The following SFI1 variants were observed in gnomAD, a reference collection of about 807,000 sequenced individuals.
SFI1 encodes SFI1 centrin binding protein, also known as protein SFI1 homolog.
A neutral mutation model predicts 207.5 loss-of-function variants in SFI1; 195 were observed. The observed-to-expected ratio is 0.94, with a 90% CI of 0.84 to 1.06. The LOEUF (loss-of-function observed/expected upper bound fraction) is 1.06. Among genes scored for constraint, SFI1 ranks in the 50% least tolerant of loss-of-function variants. The pLI is 0.00. For synonymous variants in SFI1, 630 were observed against 598.9 expected (o/e 1.05, Z -0.76); for missense variants, 1,634 against 1,588.0 (o/e 1.03, Z -0.49).
chr22:31,575,183 C>CTCG, intron 9 of SFI1, 48 bp from the exon 10 acceptor site: 1 of 956,548 alleles, frequency 1.0e-6, no homozygotes. Flanking sequence ...ATGTTTCCAG[C>CTCG]TCATCTAACC....
chr22:31,568,222 ATATATT>A (rs1982376440), intron 8 of SFI1, among the ~76,000 whole-genome samples: 1 of 128,238 alleles, frequency 7.8e-6, no homozygotes. Context: ...ATATATATAT[ATATATT>A]TTTTTTTTTT....
chr22:31,606,887 G>A (rs1163973097), intron 21 of SFI1, among the ~76,000 whole-genome samples: 2 of 151,676 alleles, frequency 1.3e-5, no homozygotes, highest in Non-Finnish European at 2.9e-5. Flanking sequence ...TAGTAGAGAT[G>A]GGGTTTCACC....
Position 31,613,216 on chromosome 22 carries a change from G to T in SFI1, c.2565G>T (p.Lys855Asn), listed in dbSNP as rs571089251. 8.1e-6 allele frequency: 13 copies of T among 1,613,770 alleles called. No homozygotes were observed. In the South Asian group the frequency reaches 1.2e-4, roughly 15 times the overall value. Residue 855 changes from lysine (K) to asparagine (N), a missense_variant and splice_region_variant, in exon 25 of 33, where the codon AAG becomes AAT. Coordinates refer to ENST00000400288, the MANE Select transcript of SFI1 (RefSeq NM_001007467.3). ...TCTGGGCCTTCTCGCTGCAGGCAAA[G>T]GTAATTGGGGCTCTGCATCCTACCA... Reference protein sequence around the residue: ...LWFWAFSLQAKVWATWLAFVL... With the variant: ...LWFWAFSLQANVWATWLAFVL...
At position 31,578,428 on chromosome 22, in the gene SFI1, AGAG is replaced by A; in HGVS notation, c.1132_1134del (p.Glu378del). 1 of 1,613,794 alleles carries A rather than the reference AGAG, an allele frequency of 6.2e-7. No individual in the cohort carries two copies. The highest frequency in any genetic ancestry group is 8.5e-7 in the Non-Finnish European group (1 of 1,179,800). On this transcript the variant is annotated inframe_deletion, in exon 11 of 33. Coordinates refer to ENST00000400288, the MANE Select transcript of SFI1 (RefSeq NM_001007467.3). Reference sequence around the variant, plus strand: ...AAGCTGCCCAGTTTGAGATGGCAGAAGAGCACCACAGGCACAGCCAGCTGGTAA... The same window carrying A: ...AAGCTGCCCAGTTTGAGATGGCAGAACACCACAGGCACAGCCAGCTGGTAA...
At chr22:31,612,892 G>T in intron 24 of SFI1, 1 of 517,194 alleles carries the variant, frequency 1.9e-6, no homozygotes, top group Non-Finnish European at 3.5e-6. Context: ...CGGACCTCAG[G>T]CCGCTGCCTC....
At chr22:31,566,307 T>C (rs1156754016) in intron 8 of SFI1, among the ~76,000 whole-genome samples, 1 of 151,804 alleles carries the variant, frequency 6.6e-6, no homozygotes, top group African/African-American at 2.4e-5. Context: ...TTGGCCAGGC[T>C]GTCTTGAACT....
intron 2 of SFI1, among the ~76,000 whole-genome samples, chr22:31,512,548 G>A (rs577125733): frequency 2.6e-5 from 4 of 150,968 alleles, no homozygotes; most frequent in Non-Finnish European, 5.9e-5. Flanking sequence ...ACGGAGTCTC[G>A]CCCTGTCGCC....
intron 4 of SFI1, among the ~76,000 whole-genome samples, chr22:31,534,631 T>C (rs757566978): frequency 2.6e-4 from 40 of 152,168 alleles, no homozygotes; most frequent in Non-Finnish European, 5.4e-4. Flanking sequence ...CTCAAAGATA[T>C]TCCATCACTG....
At chr22:31,614,708 A>C in intron 27 of SFI1, 81 bp from the exon 28 acceptor site, 1 of 1,505,484 alleles carries the variant, frequency 6.6e-7, no homozygotes, top group Non-Finnish European at 9.2e-7. Flanking sequence ...CTCCCTATAA[A>C]ATTGGAGATC....
intron 21 of SFI1, among the ~76,000 whole-genome samples, chr22:31,607,098 G>A (rs927373731): frequency 1.8e-4 from 27 of 152,196 alleles, no homozygotes; most frequent in African/African-American, 6.0e-4. Flanking sequence ...CCCGAAGCTA[G>A]CCTGTGCCTC....
chr22:31,523,807 G>GT (rs967784507), intron 2 of SFI1, among the ~76,000 whole-genome samples: 17 of 151,272 alleles, frequency 1.1e-4, no homozygotes, highest in Admixed American at 5.9e-4. Flanking sequence ...GAATCAGGGT[G>GT]TTTTTTTTTA....
At chr22:31,521,738 C>G (rs1399833472) in intron 2 of SFI1, 1 of 152,044 alleles carries the variant, frequency 6.6e-6, no homozygotes, top group South Asian at 2.1e-4. Context: ...GTATACATAA[C>G]AAAAAACTTA....
chr22:31,597,261 C>T (rs1413177229), intron 15 of SFI1, among the ~76,000 whole-genome samples: 2 of 152,198 alleles, frequency 1.3e-5, no homozygotes, highest in African/African-American at 4.8e-5. Flanking sequence ...GGTTTTAGAG[C>T]TATCACTCTG....
chr22:31,530,695 C>G (rs2058433580), intron 3 of SFI1: 1 of 453,984 alleles, frequency 2.2e-6, no homozygotes, highest in Non-Finnish European at 4.5e-6. Flanking sequence ...TGAGAGTACA[C>G]AGCTACTCAC....
chr22:31,545,904 T>C (rs1046819398), intron 4 of SFI1, among the ~76,000 whole-genome samples: 3 of 139,242 alleles, frequency 2.2e-5, no homozygotes, highest in African/African-American at 5.5e-5. Context: ...TTTTTTTTAA[T>C]GTATTTGAGA....
Position 31,573,233 on chromosome 22 carries a change from G to A in SFI1, c.922+19G>A. The A allele has an allele frequency of 6.2e-7, 1 of 1,612,086 alleles. No homozygotes were observed. On this transcript the variant is annotated intron_variant, in intron 9 of 32. Transcript: ENST00000400288. ...CAGAATGGTGAGTAGGAAGCTCCAG[G>A]CTCTCGAGATAGAGGATCTGGTCAC... is the stretch of plus-strand genomic sequence containing the variant.
intron 2 of SFI1, among the ~76,000 whole-genome samples, 170 bp from the exon 3 acceptor site, chr22:31,528,520 G>C (rs370315668): frequency 7.9e-5 from 12 of 152,328 alleles, no homozygotes; most frequent in African/African-American, 2.6e-4. Flanking sequence ...CCCACCTCTA[G>C]TGGTTGGCCA....
intron 1 of SFI1, among the ~76,000 whole-genome samples, chr22:31,503,749 ATT>A (rs759980698): frequency 1.2e-4 from 16 of 137,120 alleles, no homozygotes; most frequent in Admixed American, 1.5e-4. Context: ...CACCATGCCA[ATT>A]TTTTTTTTTT....
chr22:31,567,613 A>G (rs1338655735), intron 8 of SFI1, among the ~76,000 whole-genome samples: 3 of 152,094 alleles, frequency 2.0e-5, no homozygotes, highest in Non-Finnish European at 2.9e-5. Context: ...TCAAGAAGGA[A>G]TAATGGAAAA....
Sources: allele counts gnomAD v4.1 joint callset (sites outside exome capture counted in the v4.1 genomes callset), GRCh38; gene constraint gnomAD v4.1.1; transcripts MANE v1.5; gene names NCBI Gene and HGNC (gene_info 2026-07-23, HGNC 2026-07-21).